POLI: variants seen among roughly 807,000 people sequenced by gnomAD.
POLI encodes the protein DNA polymerase iota, also known as RAD30 homolog B.
Under a neutral mutation model 51.6 loss-of-function variants are expected in POLI, and 58 were observed. That is an observed-to-expected ratio of 1.12 (90% CI 0.91 to 1.40). POLI has a LOEUF of 1.40. Among genes scored for constraint, POLI ranks in the 40% most tolerant of loss-of-function variants. The pLI is 0.00. For missense variants in POLI, 921 were observed against 871.3 expected (o/e 1.06, Z -0.72); for synonymous variants, 322 against 299.7 (o/e 1.07, Z -0.77).
intron 2 of POLI, 50 bp downstream of exon 2, chr18:54,271,535 A>G (rs569137537): frequency 1.3e-5 from 17 of 1,259,792 alleles, no homozygotes; most frequent in Middle Eastern, 3.9e-4. Context: ...TAGATTAGCA[A>G]CTCATCATGC....
chr18:54,313,303 G>A (rs993183724), intron 3 of POLI, among the ~76,000 whole-genome samples: 1 of 152,048 alleles, frequency 6.6e-6, no homozygotes, highest in Admixed American at 6.6e-5. Flanking sequence ...TGCTCCATTG[G>A]TGTATATGTC....
downstream of POLI, among the ~76,000 whole-genome samples, chr18:54,302,981 T>G (rs899990326): frequency 6.6e-6 from 1 of 152,228 alleles, no homozygotes; most frequent in Non-Finnish European, 1.5e-5. Flanking sequence ...CCTTACCAAG[T>G]CCCATTAGCA....
intron 3 of POLI, among the ~76,000 whole-genome samples, chr18:54,304,732 G>A (rs1266406830): frequency 6.6e-6 from 1 of 152,150 alleles, no homozygotes. Flanking sequence ...TCTGCTGATA[G>A]TTTCTTTTGC....
chr18:54,272,383 GTAAT>G (rs1351677175), intron 2 of POLI: 9 of 152,270 alleles, frequency 5.9e-5, no homozygotes, highest in African/African-American at 1.9e-4. Flanking sequence ...TAAAAAAACT[GTAAT>G]TAAGTACGAA....
At chr18:54,309,463 TGTC>T (rs1443116493) in intron 3 of POLI, among the ~76,000 whole-genome samples, 1 of 152,176 alleles carries the variant, frequency 6.6e-6, no homozygotes, top group East Asian at 1.9e-4. Flanking sequence ...CTGGAAGCTT[TGTC>T]TCAGAGGGGC....
At chr18:54,318,762 A>G (rs1353440646) in intron 3 of POLI, among the ~76,000 whole-genome samples, 1 of 152,214 alleles carries the variant, frequency 6.6e-6, no homozygotes. Flanking sequence ...AATATCTTTT[A>G]TGCTCATGAA....
chr18:54,279,015 G>C (rs140069973), intron 4 of POLI, among the ~76,000 whole-genome samples: 175 of 152,258 alleles, frequency 1.1e-3, no homozygotes, highest in African/African-American at 3.9e-3. Flanking sequence ...TAACTTAAAA[G>C]GGCTAACTAG....
chr18:54,299,329 G>A (rs926500199), downstream of POLI, among the ~76,000 whole-genome samples: 1 of 152,178 alleles, frequency 6.6e-6, no homozygotes, highest in Admixed American at 6.5e-5. Flanking sequence ...CACCTACTGG[G>A]GAGGCTGAGA....
chr18:54,275,103 T>C (rs1231966858), intron 3 of POLI: 1 of 152,242 alleles, frequency 6.6e-6, no homozygotes, highest in Non-Finnish European at 1.5e-5. Context: ...GAACACTTAC[T>C]GAGTTTAAAG....
chr18:54,304,622 T>C (rs572642436), intron 3 of POLI, among the ~76,000 whole-genome samples: 185 of 152,312 alleles, frequency 1.2e-3, no homozygotes, highest in East Asian at 9.3e-3. Flanking sequence ...GCTTTTTTCT[T>C]GTAAATTTGT....
At position 54,287,324 on chromosome 18, in the gene POLI, A is replaced by G. The variant is rs770016097; in HGVS notation, c.1111A>G (p.Ile371Val). The change falls in exon 8 of 10, where the codon ATC becomes GTC. Residue 371 changes from isoleucine (I) to valine (V), a missense_variant. Coordinates refer to ENST00000579534, the MANE Select transcript of POLI (RefSeq NM_007195.3). ...GRKPHTVRLI[I>V]RRYSSEKHYG... is the part of the protein sequence containing the mutation. ...GAAGCCTCATACAGTGAGATTAATA[A>G]TCCGTCGGTATTCCTCTGAGAAGCA... 5.7e-6 allele frequency: 9 copies of G among 1,587,968 alleles called. No homozygotes were observed. In the Admixed American group the frequency reaches 1.6e-4, roughly 28 times the overall value.
At chr18:54,314,547 TG>T (rs1288180480) in intron 3 of POLI, among the ~76,000 whole-genome samples, 2 of 152,148 alleles carry the variant, frequency 1.3e-5, no homozygotes, top group Non-Finnish European at 2.9e-5. Context: ...TCAGTAGGAT[TG>T]GTGCCAGCTC....
rs3730697 is a variant in POLI, at chr18:54,272,663, G to A, written c.241+1178G>A. Among the ~76,000 whole-genome samples the A allele has an allele frequency of 5.9e-4, 89 of 150,896 alleles. 2 individuals carry two copies. The East Asian group carries it at 0.014, about 24-fold the overall frequency. On this transcript the variant is annotated intron_variant, in intron 2 of 9. Transcript: ENST00000579534. The stretch of plus-strand genomic sequence containing the variant: ...ATTTTTTTGTATTTTTAGTAGAGAC[G>A]GTTTCACCATGTTGCCCTGGGTGGT...
chr18:54,314,861 T>C (rs1342370835), intron 3 of POLI, among the ~76,000 whole-genome samples: 5 of 152,188 alleles, frequency 3.3e-5, no homozygotes, highest in African/African-American at 7.2e-5. Flanking sequence ...TTTTTTTCTT[T>C]GTTAATCTGA....
At chr18:54,317,468 G>T (rs756264129) in intron 3 of POLI, among the ~76,000 whole-genome samples, 36 of 152,258 alleles carry the variant, frequency 2.4e-4, no homozygotes, top group Admixed American at 1.3e-4. Flanking sequence ...GAAAGTGTTA[G>T]CAAAAAAGTG....
chr18:54,286,216 T>C (rs1026307362), intron 7 of POLI, among the ~76,000 whole-genome samples: 1 of 152,176 alleles, frequency 6.6e-6, no homozygotes, highest in Non-Finnish European at 1.5e-5. Context: ...TTTAACAATG[T>C]GCAATACTTG....
At chr18:54,310,593 A>G (rs1383907812) in intron 3 of POLI, among the ~76,000 whole-genome samples, 4 of 152,030 alleles carry the variant, frequency 2.6e-5, no homozygotes, top group African/African-American at 9.7e-5. Context: ...CTTTTGATAC[A>G]TAGTGGTCAG....
At chr18:54,281,803 CCTT>C (rs933491458) in intron 5 of POLI, among the ~76,000 whole-genome samples, 1 of 150,530 alleles carries the variant, frequency 6.6e-6, no homozygotes. Flanking sequence ...AAATTGCCAA[CCTT>C]CTTTTTTTTC....
At chr18:54,287,164 A>C (rs686881) in intron 7 of POLI, 117 bp from the exon 8 acceptor site, 2 of 624,406 alleles carry the variant, frequency 3.2e-6, no homozygotes, top group Non-Finnish European at 5.5e-6. Context: ...GTTATCTGCT[A>C]TATGTATAAT....
Sources: gnomAD v4.1 joint callset for allele counts (sites outside exome capture counted in the v4.1 genomes callset) on GRCh38, gnomAD v4.1.1 for gene constraint, MANE v1.5 for transcripts, NCBI Gene and HGNC (gene_info 2026-07-23, HGNC 2026-07-21) for gene names.